The following RSRC1 variants were observed in gnomAD, a reference collection of about 807,000 sequenced individuals.
RSRC1 encodes the protein arginine and serine rich coiled-coil 1.
In RSRC1, 39 loss-of-function variants were observed where a neutral mutation model predicts 49.1. The ratio of observed to expected loss-of-function variants is 0.79; its 90% CI spans 0.61 to 1.04. RSRC1 has a LOEUF of 1.04. Ranked by LOEUF, RSRC1 falls within the 50% of genes least tolerant of loss-of-function variation. The pLI, the probability that RSRC1 is intolerant of heterozygous loss-of-function variation, is 0.00. For missense variants in RSRC1, 388 were observed against 402.4 expected, an observed-to-expected ratio of 0.96 and a Z score of 0.31; for synonymous variants, 143 against 130.8, an observed-to-expected ratio of 1.09 and a Z score of -0.63.
At chr3:158,268,274 A>G (rs1292133622) in intron 4 of RSRC1, among the ~76,000 whole-genome samples, 1 of 152,182 alleles carries the variant, frequency 6.6e-6, no homozygotes, top group Non-Finnish European at 1.5e-5. Flanking sequence ...TTAATTTAAA[A>G]ACGCATCAAA....
At chr3:158,491,071 G>A (rs1739065841) in intron 7 of RSRC1, among the ~76,000 whole-genome samples, 1 of 152,070 alleles carries the variant, frequency 6.6e-6, no homozygotes, top group Non-Finnish European at 1.5e-5. Context: ...TTCAATAATT[G>A]TCTTTTGCTG....
chr3:158,466,864 C>G (rs989173210), intron 7 of RSRC1, among the ~76,000 whole-genome samples: 15 of 152,084 alleles, frequency 9.9e-5, no homozygotes, highest in Non-Finnish European at 2.9e-5. Flanking sequence ...GAGTTCGAGA[C>G]TAGCCTGGGC....
chr3:158,272,834 A>G (rs1049321971), intron 4 of RSRC1, among the ~76,000 whole-genome samples: 10 of 152,132 alleles, frequency 6.6e-5, no homozygotes, highest in African/African-American at 1.9e-4. Flanking sequence ...ACATAGATTT[A>G]TCAGTTATTT....
intron 6 of RSRC1, among the ~76,000 whole-genome samples, chr3:158,424,859 A>C (rs564327237): frequency 6.6e-6 from 1 of 151,880 alleles, no homozygotes; most frequent in Non-Finnish European, 1.5e-5. Context: ...TTTCTAGTTT[A>C]TTTGCGTAGA....
intron 4 of RSRC1, among the ~76,000 whole-genome samples, chr3:158,231,274 T>G (rs139198191): frequency 3.8e-4 from 58 of 150,790 alleles, no homozygotes; most frequent in Non-Finnish European, 6.3e-4. Flanking sequence ...TAGCTGGGAT[T>G]ACAGGTGCGT....
chr3:158,334,332 A>C (rs1007507614), intron 5 of RSRC1, among the ~76,000 whole-genome samples: 7 of 152,168 alleles, frequency 4.6e-5, no homozygotes, highest in Non-Finnish European at 1.0e-4. Context: ...AGTATTAGTA[A>C]AAATAACTAG....
chr3:158,339,193 G>A (rs1219768370), intron 5 of RSRC1, among the ~76,000 whole-genome samples: 4 of 151,252 alleles, frequency 2.6e-5, no homozygotes, highest in African/African-American at 9.7e-5. Context: ...TCTGGAGGCT[G>A]AGGCAGGAGA....
chr3:158,430,072 C>CACA (rs1553804840), intron 6 of RSRC1, among the ~76,000 whole-genome samples: 1 of 129,784 alleles, frequency 7.7e-6, no homozygotes, highest in African/African-American at 2.9e-5. Flanking sequence ...ACCACACACA[C>CACA]AAAAAAAATA....
chr3:158,208,399 T>G (rs1721468750), intron 4 of RSRC1, among the ~76,000 whole-genome samples: 1 of 152,214 alleles, frequency 6.6e-6, no homozygotes, highest in African/African-American at 2.4e-5. Flanking sequence ...GGTCTCATTT[T>G]GTTGCTCAGG....
chr3:158,512,060 T>G lies in RSRC1; in HGVS notation c.653-25032T>G, dbSNP rs1453258427. Reference sequence around the variant, plus strand: ...GTAGGTTGCGAAAATTTTCTCCCATTTTGTAGGTTGCCTGTTCACTCTGAT... The same window carrying G: ...GTAGGTTGCGAAAATTTTCTCCCATGTTGTAGGTTGCCTGTTCACTCTGAT... On this transcript the variant is annotated intron_variant, in intron 7 of 9. Transcript: ENST00000611884. Among the ~76,000 whole-genome samples, 202 of 144,802 alleles carry G rather than the reference T, an allele frequency of 1.4e-3. 2 individuals are homozygous for G. Among genetic ancestry groups the G allele is most frequent in the South Asian group, 3.0e-3 (13 of 4,294 alleles). The allele number at this position is 144,802 out of a possible 152,430, so 95.0% of individuals were successfully genotyped here.
chr3:158,331,781 C>T (rs1476407214), intron 5 of RSRC1, among the ~76,000 whole-genome samples: 3 of 150,004 alleles, frequency 2.0e-5, no homozygotes, highest in African/African-American at 4.9e-5. Flanking sequence ...TGCAAAAAAC[C>T]TGAATAAGAT....
chr3:158,179,690 A>G (rs1719468128), intron 3 of RSRC1, among the ~76,000 whole-genome samples: 1 of 152,196 alleles, frequency 6.6e-6, no homozygotes, highest in Non-Finnish European at 1.5e-5. Flanking sequence ...AAAAGTTACT[A>G]TGATAATGCA....
chr3:158,342,987 C>T (rs1730340656), intron 5 of RSRC1, among the ~76,000 whole-genome samples: 1 of 152,130 alleles, frequency 6.6e-6, no homozygotes, highest in Non-Finnish European at 1.5e-5. Context: ...CCAGGAAGGC[C>T]AAAGCATCTG....
intron 6 of RSRC1, among the ~76,000 whole-genome samples, chr3:158,431,136 A>G (rs979304522): frequency 3.3e-5 from 5 of 151,916 alleles, no homozygotes; most frequent in African/African-American, 9.7e-5. Context: ...TGGTACAGCT[A>G]TTTCCTGAAG....
intron 6 of RSRC1, among the ~76,000 whole-genome samples, chr3:158,398,481 T>C (rs1328303760): frequency 6.6e-6 from 1 of 152,128 alleles, no homozygotes; most frequent in African/African-American, 2.4e-5. Context: ...ACTGTAGCTC[T>C]TTTATGAGGC....
At chr3:158,456,400 A>G (rs1737318906) in intron 6 of RSRC1, among the ~76,000 whole-genome samples, 1 of 151,584 alleles carries the variant, frequency 6.6e-6, no homozygotes, top group South Asian at 2.1e-4. Flanking sequence ...GTAAACAGCC[A>G]CACTTAAGTG....
intron 4 of RSRC1, among the ~76,000 whole-genome samples, chr3:158,291,343 T>G (rs149744649): frequency 6.3e-4 from 96 of 152,296 alleles, no homozygotes; most frequent in African/African-American, 2.3e-3. Flanking sequence ...CTACTCCAAT[T>G]AGTTATGTGA....
intron 5 of RSRC1, among the ~76,000 whole-genome samples, chr3:158,323,427 G>C (rs148188608): frequency 6.6e-6 from 1 of 152,104 alleles, no homozygotes; most frequent in African/African-American, 2.4e-5. Context: ...CAATTCTCCC[G>C]GACTTCCAAT....
At chr3:158,367,655 A>G (rs1284545495) in intron 6 of RSRC1, among the ~76,000 whole-genome samples, 2 of 152,218 alleles carry the variant, frequency 1.3e-5, no homozygotes, top group Non-Finnish European at 2.9e-5. Context: ...TGCTGGCCTC[A>G]TAAAATGAGT....
Sources: allele counts gnomAD v4.1 joint callset (sites outside exome capture counted in the v4.1 genomes callset), GRCh38; gene constraint gnomAD v4.1.1; transcripts MANE v1.5; gene names NCBI Gene and HGNC (gene_info 2026-07-23, HGNC 2026-07-21).